Variants in ANO10 observed in about 807,000 individuals in gnomAD.
ANO10 encodes the protein anoctamin 10.
ANO10 carries 77 observed loss-of-function variants against 74.7 expected under a neutral mutation model. The ratio of observed to expected loss-of-function variants is 1.03; its 90% confidence interval spans 0.86 to 1.25. ANO10 has a LOEUF of 1.25. Among genes scored for constraint, ANO10 ranks in the 50% most tolerant of loss-of-function variants. ANO10 has a pLI of 0.00. For synonymous variants in ANO10, 279 were observed against 284.9 expected (o/e 0.98, Z 0.21); for missense variants, 721 against 778.1 (o/e 0.93, Z 0.87).
chr3:43,545,033 TG>T (rs2079120054), intron 11 of ANO10, among the ~76,000 whole-genome samples: 1 of 151,370 alleles, frequency 6.6e-6, no homozygotes, highest in Admixed American at 6.6e-5. Context: ...TTAATTAATT[TG>T]GAAAAAAAGC....
intron 12 of ANO10, among the ~76,000 whole-genome samples, chr3:43,395,391 G>C (rs927122484): frequency 3.8e-4 from 58 of 152,238 alleles, no homozygotes; most frequent in Non-Finnish European, 7.9e-4. Context: ...TTTAATGTAA[G>C]ATCTCAAATA....
Position 43,400,570 on chromosome 3 carries a change from T to C in ANO10, c.1914+32041A>G, listed in dbSNP as rs1003365462. On this transcript the variant is annotated intron_variant, in intron 12 of 12. Transcript: ENST00000292246. ...AGGAGAATTGCTTGAGCCCAGGAAT[T>C]CGAAACCAGCCTGGGCAACATGGCA... 2.2e-4 allele frequency among the ~76,000 whole-genome samples: 34 copies of C among 152,056 alleles called. 1 individual carries two copies. Among genetic ancestry groups the C allele is most frequent in the Admixed American group, 2.2e-3 (34 of 15,274 alleles).
At chr3:43,678,585 G>A (rs560488913) in intron 1 of ANO10, among the ~76,000 whole-genome samples, 13 of 152,270 alleles carry the variant, frequency 8.5e-5, no homozygotes, top group African/African-American at 2.2e-4. Context: ...TTGCTCAATC[G>A]ATCAGGACCA....
At chr3:43,424,008 C>A (rs1188591467) in intron 12 of ANO10, among the ~76,000 whole-genome samples, 2 of 152,120 alleles carry the variant, frequency 1.3e-5, no homozygotes, top group Non-Finnish European at 2.9e-5. Context: ...TGGGTTCACC[C>A]AGCGAATGCA....
intron 1 of ANO10, chr3:43,690,966 A>C (rs766419668): frequency 6.4e-7 from 1 of 1,559,596 alleles, no homozygotes; most frequent in Non-Finnish European, 8.6e-7. Context: ...CTTCGAGATA[A>C]GTCCCGGCGC....
intron 1 of ANO10, among the ~76,000 whole-genome samples, chr3:43,673,745 C>T (rs985731177): frequency 3.3e-5 from 5 of 151,998 alleles, no homozygotes; most frequent in African/African-American, 1.2e-4. Flanking sequence ...AAATAGAAGG[C>T]AGAGGAAAAG....
At chr3:43,469,077 C>T (rs2075750496) in intron 11 of ANO10, among the ~76,000 whole-genome samples, 1 of 127,648 alleles carries the variant, frequency 7.8e-6, no homozygotes, top group South Asian at 2.6e-4. Flanking sequence ...GAGTCTTGTC[C>T]TGTCACACAG....
chr3:43,443,874 G>A (rs1016381729), intron 11 of ANO10, among the ~76,000 whole-genome samples: 59 of 151,662 alleles, frequency 3.9e-4, no homozygotes, highest in African/African-American at 1.2e-3. Flanking sequence ...GTAGAGACGG[G>A]TTTCACCATG....
intron 4 of ANO10, among the ~76,000 whole-genome samples, chr3:43,591,252 C>G (rs2081737650): frequency 6.6e-6 from 1 of 152,186 alleles, no homozygotes; most frequent in Admixed American, 6.5e-5. Context: ...CCAGATCAGG[C>G]AGGGTGTCCG....
At chr3:43,414,629 T>C (rs542260518) in intron 12 of ANO10, among the ~76,000 whole-genome samples, 4 of 152,200 alleles carry the variant, frequency 2.6e-5, no homozygotes, top group Admixed American at 6.5e-5. Flanking sequence ...TACAGTGGGA[T>C]AGTAAATATT....
chr3:43,552,658 T>C (rs1169801996), intron 10 of ANO10, among the ~76,000 whole-genome samples: 1 of 149,490 alleles, frequency 6.7e-6, no homozygotes, highest in Non-Finnish European at 1.5e-5. Flanking sequence ...TCTGAAAGTG[T>C]CTTGCTTTTT....
At chr3:43,604,545 T>TA (rs1447240206) in intron 2 of ANO10, among the ~76,000 whole-genome samples, 3 of 152,104 alleles carry the variant, frequency 2.0e-5, no homozygotes, top group Non-Finnish European at 4.4e-5. Flanking sequence ...CTTTTATATA[T>TA]TTTTTAACCA....
At chr3:43,592,851 C>A (rs1408585488) in intron 4 of ANO10, among the ~76,000 whole-genome samples, 1 of 152,120 alleles carries the variant, frequency 6.6e-6, no homozygotes, top group Non-Finnish European at 1.5e-5. Flanking sequence ...AAGCTAAAAA[C>A]TTTCAAAAAA....
intron 11 of ANO10, among the ~76,000 whole-genome samples, chr3:43,546,428 C>A (rs1262169454): frequency 1.3e-5 from 2 of 152,018 alleles, no homozygotes; most frequent in Admixed American, 6.5e-5. Flanking sequence ...GAATAAAGAG[C>A]CCAGAAATAA....
chr3:43,453,470 C>T (rs2074976939), intron 11 of ANO10, among the ~76,000 whole-genome samples: 1 of 152,168 alleles, frequency 6.6e-6, no homozygotes, highest in Admixed American at 6.5e-5. Context: ...TGAGCCACCG[C>T]ACCTGGCCTA....
At chr3:43,512,331 G>A (rs1315064007) in intron 11 of ANO10, among the ~76,000 whole-genome samples, 3 of 152,146 alleles carry the variant, frequency 2.0e-5, no homozygotes, top group Non-Finnish European at 2.9e-5. Flanking sequence ...TCCCAACTCT[G>A]CCTTTGTCAC....
chr3:43,652,827 A>T (rs961144017), intron 1 of ANO10: 4 of 151,796 alleles, frequency 2.6e-5, no homozygotes, highest in African/African-American at 7.3e-5. Context: ...CTATATTAAA[A>T]ATACTGTTAA....
chr3:43,471,497 A>G (rs1244379549), intron 11 of ANO10, among the ~76,000 whole-genome samples: 1 of 152,146 alleles, frequency 6.6e-6, no homozygotes, highest in Non-Finnish European at 1.5e-5. Context: ...TCCACATGTA[A>G]CCAGTTTTCT....
intron 12 of ANO10, among the ~76,000 whole-genome samples, chr3:43,431,542 G>A (rs1575776058): frequency 6.6e-6 from 1 of 152,054 alleles, no homozygotes; most frequent in Non-Finnish European, 1.5e-5. Context: ...TATTGGGCAT[G>A]ATGCTGGGTT....
Sources: allele counts gnomAD v4.1 joint callset (sites outside exome capture counted in the v4.1 genomes callset), GRCh38; gene constraint gnomAD v4.1.1; transcripts MANE v1.5; gene names NCBI Gene and HGNC (gene_info 2026-07-23, HGNC 2026-07-21).